HYLS1: variants seen among roughly 807,000 people sequenced by gnomAD.
HYLS1 encodes HYLS1 centriolar and ciliogenesis associated, also known as centriolar and ciliogenesis-associated protein HYLS1.
Under a neutral mutation model 29.4 loss-of-function variants are expected in HYLS1, and 25 were observed. The observed-to-expected ratio is 0.85, with a 90% CI of 0.62 to 1.19. The LOEUF is 1.19. Ranked by LOEUF, HYLS1 falls within the 50% of genes most tolerant of loss-of-function variation. The pLI, the probability that HYLS1 is intolerant of heterozygous loss-of-function variation, is 0.00. For synonymous variants in HYLS1, 128 were observed against 126.7 expected (o/e 1.01, Z -0.07); for missense variants, 352 against 365.1 (o/e 0.96, Z 0.29).
At chr11:125,887,037 A>T (rs1029485324), upstream of HYLS1, 2 of 152,698 alleles carry the variant, frequency 1.3e-5, no homozygotes, top group Admixed American at 1.3e-4. Flanking sequence ...CAGTTAGAGT[A>T]ACGTGGGAGG....
chr11:125,896,594 T>C (rs1215707798), intron 2 of HYLS1, among the ~76,000 whole-genome samples: 7 of 152,220 alleles, frequency 4.6e-5, no homozygotes, highest in Non-Finnish European at 8.8e-5. Flanking sequence ...AGGGAGAATG[T>C]CTATAGATTT....
intron 2 of HYLS1, chr11:125,893,542 T>G (rs1944471971): frequency 2.7e-6 from 1 of 374,708 alleles, no homozygotes; most frequent in Non-Finnish European, 4.7e-6. Context: ...TCCAGGTGTA[T>G]GTAAATACAT....
In HYLS1 at chr11:125,900,058, T is replaced by G. The variant is rs745497400; in HGVS notation, c.690T>G (p.Gly230=). ...KRDWDSIRLP[G]EDHRKELRWG... is the part of the protein sequence containing the mutation. ...ACTGGGACTCAATACGTTTACCTGG[T>G]GAAGATCATAGAAAGGAATTACGCT... Residue 230 remains glycine (G), a synonymous_variant, in exon 3 of 3, where the codon GGT becomes GGG. Coordinates refer to ENST00000425380, the MANE Select transcript of HYLS1 (RefSeq NM_001134793.2). The G allele has an allele frequency of 8.7e-6, 14 of 1,614,168 alleles. No individual in the cohort carries two copies. The highest frequency in any genetic ancestry group is 1.2e-5 in the Non-Finnish European group (14 of 1,180,022).
intron 1 of HYLS1, among the ~76,000 whole-genome samples, chr11:125,890,165 C>T (rs1944384908): frequency 6.6e-6 from 1 of 152,174 alleles, no homozygotes; most frequent in Non-Finnish European, 1.5e-5. Context: ...TGGTCTTGAA[C>T]TCCTTCACAG....
chr11:125,887,500 CGGA>C (rs1944325980), upstream of HYLS1: 1 of 152,292 alleles, frequency 6.6e-6, no homozygotes, highest in Non-Finnish European at 1.5e-5. Flanking sequence ...CTCCCGCCGG[CGGA>C]GAAGGCCCAG....
intron 1 of HYLS1, among the ~76,000 whole-genome samples, chr11:125,890,821 A>G (rs1224847891): frequency 6.6e-6 from 1 of 152,118 alleles, no homozygotes; most frequent in Non-Finnish European, 1.5e-5. Flanking sequence ...TATTTTATTT[A>G]TTGTTTGCAA....
At chr11:125,896,081 T>C in intron 2 of HYLS1, 1 of 1,614,238 alleles carries the variant, frequency 6.2e-7, no homozygotes, top group Non-Finnish European at 8.5e-7. Flanking sequence ...TATAGGCTAT[T>C]CTTAGGGCTA....
rs1944732758 is a variant in HYLS1 at position 125,900,322 on chromosome 11, C to G, written c.*54C>G. ...TTTGAGATAACCTAGCTCTTTATAT[C>G]TTCCCTTTTAAATAGAAACAACTGT... On this transcript the variant is annotated 3_prime_UTR_variant, in exon 3 of 3. Coordinates refer to ENST00000425380, the MANE Select transcript of HYLS1 (RefSeq NM_001134793.2). 6.5e-7 allele frequency: 1 copy of G among 1,534,582 alleles called. No individual in the cohort carries two copies. The highest frequency in any genetic ancestry group is 1.4e-5 in the African/African-American group (1 of 73,234).
In HYLS1 at chr11:125,899,873, A is replaced by T. The variant is rs748950576; in HGVS notation, c.505A>T (p.Ile169Phe). ...CCAAGGAATTTCTCAAGATCAGCTCATTTGCTCTCTACAAAGAGAAGGAAT... is the reference window on the plus strand; with the variant it reads ...CCAAGGAATTTCTCAAGATCAGCTCTTTTGCTCTCTACAAAGAGAAGGAAT... The part of the protein sequence containing the change: ...EYQGISQDQL[I>F]CSLQREGMGS... The change falls in exon 3 of 3, where the codon ATT becomes TTT. Residue 169 changes from isoleucine (I) to phenylalanine (F), a missense_variant. Physicochemically the swap from Ile to Phe is conservative, Grantham distance 21. Coordinates refer to ENST00000425380, the MANE Select transcript of HYLS1 (RefSeq NM_001134793.2). The T allele has an allele frequency of 1.1e-5, 18 of 1,613,140 alleles. No individual in the cohort carries two copies. The South Asian group carries it at 1.9e-4, about 17-fold the overall frequency.
chr11:125,892,409 C>CT (rs1201954312), intron 2 of HYLS1, among the ~76,000 whole-genome samples: 1 of 152,166 alleles, frequency 6.6e-6, no homozygotes, highest in African/African-American at 2.4e-5. Context: ...TAAGACAACT[C>CT]TGAGTTCTTT....
chr11:125,899,005 C>T, intron 2 of HYLS1: 1 of 189,498 alleles, frequency 5.3e-6, no homozygotes, highest in South Asian at 1.3e-4. Flanking sequence ...ACATAAAGTA[C>T]TCCCTAAGTA....
chr11:125,887,960 GA>G (rs1944337235), intron 1 of HYLS1, 195 bp downstream of exon 1: 13 of 152,474 alleles, frequency 8.5e-5, no homozygotes, highest in African/African-American at 2.9e-4. Context: ...GGGGCAGCGT[GA>G]GCTACAGGCG....
At chr11:125,888,784 A>G (rs1287996559) in intron 1 of HYLS1, among the ~76,000 whole-genome samples, 18 of 138,212 alleles carry the variant, frequency 1.3e-4, no homozygotes, top group African/African-American at 2.6e-4. Flanking sequence ...AAAAAAAAAA[A>G]AAAGAGAAAA....
chr11:125,895,853 T>C, intron 2 of HYLS1: 1 of 1,589,628 alleles, frequency 6.3e-7, no homozygotes, highest in Non-Finnish European at 8.5e-7. Flanking sequence ...TCAGTGTGTA[T>C]ACCTAGAATA....
chr11:125,893,910 A>G, intron 2 of HYLS1: 5 of 1,614,150 alleles, frequency 3.1e-6, no homozygotes, highest in Non-Finnish European at 4.2e-6. Flanking sequence ...TCATGGAATA[A>G]ATGTGGGTGC....
chr11:125,894,213 C>A, intron 2 of HYLS1: 2 of 1,613,702 alleles, frequency 1.2e-6, no homozygotes, highest in South Asian at 2.2e-5. Context: ...AACTCCTGAG[C>A]CTCCTGGTCA....
At chr11:125,893,779 C>G in intron 2 of HYLS1, 1 of 1,591,674 alleles carries the variant, frequency 6.3e-7, no homozygotes, top group Non-Finnish European at 8.6e-7. Context: ...GGCAAATTGT[C>G]TATGGTTAAA....
upstream of HYLS1, among the ~76,000 whole-genome samples, chr11:125,885,158 G>A (rs1944284150): frequency 6.6e-6 from 1 of 152,146 alleles, no homozygotes; most frequent in Non-Finnish European, 1.5e-5. Context: ...AAGGATAACA[G>A]AAACTAATTG....
rs2134233459 is a variant in HYLS1 at position 125,891,453 on chromosome 11, T to A, written c.-45T>A. On this transcript the variant is annotated 5_prime_UTR_variant, in exon 2 of 3. Transcript: ENST00000425380. ...TTTTTTACTTGAATGTAAATACCAATCAAGATACATTGAAATAAGGTAAGA... is the reference window on the plus strand; with the variant it reads ...TTTTTTACTTGAATGTAAATACCAAACAAGATACATTGAAATAAGGTAAGA... The A allele has an allele frequency of 1.1e-5, 1 of 91,804 alleles. No homozygotes were observed. Among genetic ancestry groups the A allele is most frequent in the Non-Finnish European group, 2.1e-5 (1 of 46,706 alleles). 5.7% of individuals were successfully genotyped at this position (91,804 alleles called of 1,614,324 possible).
Sources: allele counts gnomAD v4.1 joint callset (sites outside exome capture counted in the v4.1 genomes callset), GRCh38; gene constraint gnomAD v4.1.1; transcripts MANE v1.5; gene names NCBI Gene and HGNC (gene_info 2026-07-23, HGNC 2026-07-21).